Variants in EIF4G3 observed in about 807,000 individuals in gnomAD.
The protein encoded by EIF4G3 is eukaryotic translation initiation factor 4 gamma 3, also known as eIF-4-gamma 3.
Under a neutral mutation model 186.4 loss-of-function variants are expected in EIF4G3, and 34 were observed. The ratio of observed to expected loss-of-function variants is 0.18; its 90% CI spans 0.14 to 0.24. The LOEUF (loss-of-function observed/expected upper bound fraction) is 0.24. Among genes scored for constraint, EIF4G3 ranks in the 10% least tolerant of loss-of-function variants. The pLI is 1.00. For missense variants in EIF4G3, 1,536 were observed against 1,948.5 expected (o/e 0.79, Z 3.99); for synonymous variants, 673 against 679.5 (o/e 0.99, Z 0.15).
intron 7 of EIF4G3, among the ~76,000 whole-genome samples, chr1:20,985,458 T>TAC (rs370840911): frequency 2.0e-5 from 3 of 150,226 alleles, no homozygotes; most frequent in Non-Finnish European, 3.0e-5. Context: ...CAGGATCACT[T>TAC]ACACACACAC....
intron 3 of EIF4G3, among the ~76,000 whole-genome samples, chr1:21,082,355 C>A (rs1024606250): frequency 6.6e-6 from 1 of 151,762 alleles, no homozygotes; most frequent in South Asian, 2.1e-4. Flanking sequence ...GAGGCCAAGG[C>A]GTGTGGATCA....
chr1:21,100,751 C>A (rs763113401), intron 2 of EIF4G3, among the ~76,000 whole-genome samples: 1 of 148,250 alleles, frequency 6.7e-6, no homozygotes, highest in Non-Finnish European at 1.5e-5. Context: ...GCTTATCCTG[C>A]GAATCTACAC....
At chr1:20,967,776 T>G (rs2075015403) in intron 12 of EIF4G3, among the ~76,000 whole-genome samples, 1 of 152,248 alleles carries the variant, frequency 6.6e-6, no homozygotes, top group African/African-American at 2.4e-5. Flanking sequence ...TTGTCTGTAC[T>G]ACTAAAATGA....
chr1:20,864,799 G>T (rs1446469909), intron 21 of EIF4G3, 87 bp from the exon 22 acceptor site: 2 of 1,126,532 alleles, frequency 1.8e-6, no homozygotes, highest in East Asian at 2.4e-5. Flanking sequence ...CAGAATCCCC[G>T]TGAGAATCTG....
chr1:21,063,345 G>C (rs1300575971), intron 3 of EIF4G3, among the ~76,000 whole-genome samples: 4 of 152,066 alleles, frequency 2.6e-5, no homozygotes, highest in African/African-American at 9.7e-5. Flanking sequence ...AAAAGTTAGA[G>C]GCAGTATTTT....
chr1:20,993,223 G>A (rs1362542259), intron 7 of EIF4G3, among the ~76,000 whole-genome samples: 1 of 151,914 alleles, frequency 6.6e-6, no homozygotes, highest in Non-Finnish European at 1.5e-5. Context: ...TGATTTGTGG[G>A]GACTCAAAAA....
At chr1:20,840,727 C>T in intron 30 of EIF4G3, 129 bp downstream of exon 30, 1 of 785,002 alleles carries the variant, frequency 1.3e-6, no homozygotes, top group South Asian at 1.9e-5. Context: ...TGCATCATAT[C>T]AACATATTAC....
intron 13 of EIF4G3, among the ~76,000 whole-genome samples, chr1:20,945,737 G>A (rs1027136095): frequency 2.0e-5 from 3 of 152,032 alleles, no homozygotes; most frequent in African/African-American, 4.8e-5. Flanking sequence ...CTCCTGCCTC[G>A]TCCTCCCAAA....
chr1:21,166,047 T>C (rs1036783114), intron 2 of EIF4G3, among the ~76,000 whole-genome samples: 15 of 122,202 alleles, frequency 1.2e-4, no homozygotes, highest in Non-Finnish European at 2.3e-4. Context: ...TTTGTTCATA[T>C]TGATCACCCA....
intron 2 of EIF4G3, among the ~76,000 whole-genome samples, chr1:21,128,233 G>A (rs564630122): frequency 5.3e-5 from 8 of 150,876 alleles, no homozygotes; most frequent in African/African-American, 1.7e-4. Flanking sequence ...TTTCGGCTGG[G>A]TGTGGTGGCT....
At chr1:21,025,412 T>A (rs1454891179) in intron 4 of EIF4G3, among the ~76,000 whole-genome samples, 1 of 151,776 alleles carries the variant, frequency 6.6e-6, no homozygotes, top group Admixed American at 6.6e-5. Flanking sequence ...AGGTACATAG[T>A]GATAAGGGCC....
chr1:21,079,906 C>T (rs1224915702), intron 3 of EIF4G3, among the ~76,000 whole-genome samples: 1 of 151,578 alleles, frequency 6.6e-6, no homozygotes, highest in African/African-American at 2.4e-5. Flanking sequence ...AATCCCAGCA[C>T]TTTGGGAGGC....
At chr1:20,958,319 G>A (rs561107489) in intron 12 of EIF4G3, among the ~76,000 whole-genome samples, 4 of 152,142 alleles carry the variant, frequency 2.6e-5, no homozygotes, top group South Asian at 2.1e-4. Context: ...CTCAATAGAC[G>A]CTGAAAAAGC....
intron 32 of EIF4G3, among the ~76,000 whole-genome samples, chr1:20,827,091 T>C (rs541011015): frequency 3.9e-5 from 6 of 152,188 alleles, no homozygotes; most frequent in Non-Finnish European, 7.4e-5. Flanking sequence ...CTCCAGAATC[T>C]TCATTTCTGA....
intron 4 of EIF4G3, among the ~76,000 whole-genome samples, chr1:21,012,012 A>G (rs1389078214): frequency 6.6e-6 from 1 of 152,210 alleles, no homozygotes; most frequent in African/African-American, 2.4e-5. Context: ...CATAGGATTG[A>G]GAAGCCCAAA....
intron 2 of EIF4G3, among the ~76,000 whole-genome samples, chr1:21,104,108 G>C (rs1255015513): frequency 6.6e-6 from 1 of 152,110 alleles, no homozygotes; most frequent in Non-Finnish European, 1.5e-5. Flanking sequence ...GAAATACTCT[G>C]AACAATGCCG....
In EIF4G3 at chr1:20,941,658, C is replaced by G. The variant is rs2095717627; in HGVS notation, c.1496G>C (p.Ser499Thr). ...PAAATTVSSP[S>T]AAITVQRVLE... ...GACTCTCTGGACTGTGATGGCAGCA[C>G]TCGGAGAACTAACAGTAGTGGCAGC... The change falls in exon 14 of 37, where the codon AGT (serine) becomes ACT (threonine). Residue 499 changes from serine (S) to threonine (T), a missense_variant. By Grantham distance (58) the Ser-to-Thr change is moderately conservative. Transcript: ENST00000602326. 1 of 1,613,944 alleles carries G rather than the reference C, an allele frequency of 6.2e-7. No homozygotes were observed.
intron 4 of EIF4G3, among the ~76,000 whole-genome samples, chr1:21,045,823 A>G (rs2093852778): frequency 6.6e-6 from 1 of 152,128 alleles, no homozygotes; most frequent in Admixed American, 6.5e-5. Flanking sequence ...GAAACAAGGC[A>G]AAGTTTGGGT....
chr1:21,028,742 G>A (rs758602458), intron 4 of EIF4G3, among the ~76,000 whole-genome samples: 14 of 152,260 alleles, frequency 9.2e-5, no homozygotes, highest in African/African-American at 3.1e-4. Context: ...ATGGCCTGTC[G>A]AGCTGTTGGT....
Sources: gnomAD v4.1 joint callset for allele counts (sites outside exome capture counted in the v4.1 genomes callset) on GRCh38, gnomAD v4.1.1 for gene constraint, MANE v1.5 for transcripts, NCBI Gene and HGNC (gene_info 2026-07-23, HGNC 2026-07-21) for gene names.